Variants in ELAPOR2 observed in about 807,000 individuals in gnomAD.
The protein encoded by ELAPOR2 is endosome/lysosome-associated apoptosis and autophagy regulator family member 2.
A neutral mutation model predicts 120.7 loss-of-function variants in ELAPOR2; 89 were observed. The observed-to-expected ratio is 0.74, with a 90% CI of 0.62 to 0.88. The LOEUF (loss-of-function observed/expected upper bound fraction) is 0.88, where lower values mean the gene tolerates loss of function less well. Among genes scored for constraint, ELAPOR2 ranks in the 40% least tolerant of loss-of-function variants. ELAPOR2 has a pLI of 0.00. For synonymous variants in ELAPOR2, 444 were observed against 444.9 expected, an observed-to-expected ratio of 1.00 and a Z score of 0.03; for missense variants, 1,134 against 1,251.6, an observed-to-expected ratio of 0.91 and a Z score of 1.42.
chr7:87,021,282 T>C (rs1794033701), intron 1 of ELAPOR2, among the ~76,000 whole-genome samples: 1 of 152,152 alleles, frequency 6.6e-6, no homozygotes, highest in Non-Finnish European at 1.5e-5. Context: ...AAGACATACA[T>C]AATCTTGCCA....
chr7:86,886,210 C>G (rs1163752192), intron 21 of ELAPOR2, among the ~76,000 whole-genome samples: 1 of 152,022 alleles, frequency 6.6e-6, no homozygotes, highest in South Asian at 2.1e-4. Context: ...CTAAATCTAC[C>G]CAGCAGTTAA....
intron 1 of ELAPOR2, among the ~76,000 whole-genome samples, chr7:87,016,425 A>T (rs1436454165): frequency 6.6e-6 from 1 of 151,832 alleles, no homozygotes; most frequent in Non-Finnish European, 1.5e-5. Context: ...TTTACACAAC[A>T]AATTTTCTTA....
At chr7:86,890,392 T>C (rs1240650557) in intron 21 of ELAPOR2, among the ~76,000 whole-genome samples, 1 of 151,986 alleles carries the variant, frequency 6.6e-6, no homozygotes, top group African/African-American at 2.4e-5. Flanking sequence ...ATAAAGATAA[T>C]AGCCCCCTTT....
intron 1 of ELAPOR2, among the ~76,000 whole-genome samples, chr7:86,988,582 C>A (rs1792837597): frequency 6.6e-6 from 1 of 152,148 alleles, no homozygotes. Flanking sequence ...GGTTCCGGAA[C>A]CAATCCCCTA....
In ELAPOR2 at chr7:86,897,554, C is replaced by T. The variant is rs372004556; in HGVS notation, c.2637G>A (p.Thr879=). Residue 879 remains threonine (T), a synonymous_variant, in exon 19 of 22, where the codon ACG becomes ACA. Coordinates refer to ENST00000450689, the MANE Select transcript of ELAPOR2 (RefSeq NM_001142749.3). ...WESAEACPLC[T]EHDFHEIEGA... is the part of the protein sequence containing the mutation. The stretch of plus-strand genomic sequence containing the variant: ...CCTCAATCTCATGGAAGTCATGCTC[C>T]GTACACAGAGGGCAAGCTTCAGCAC... The T allele has an allele frequency of 2.0e-5, 32 of 1,613,198 alleles. No individual in the cohort carries two copies. In the South Asian group the frequency reaches 2.3e-4, roughly 12 times the overall value.
intron 1 of ELAPOR2, among the ~76,000 whole-genome samples, chr7:87,018,842 G>GT (rs1793949797): frequency 6.6e-6 from 1 of 152,152 alleles, no homozygotes; most frequent in Non-Finnish European, 1.5e-5. Context: ...GTTAACTGTA[G>GT]TTTTTTTATA....
chr7:86,925,447 G>C (rs970089041), intron 10 of ELAPOR2, 81 bp downstream of exon 10: 2 of 1,434,280 alleles, frequency 1.4e-6, no homozygotes, highest in African/African-American at 2.8e-5. Context: ...CCCATACTTG[G>C]TATGTTTTAG....
At chr7:86,979,972 A>C (rs972917063) in intron 1 of ELAPOR2, among the ~76,000 whole-genome samples, 2 of 152,226 alleles carry the variant, frequency 1.3e-5, no homozygotes, top group African/African-American at 2.4e-5. Flanking sequence ...AAAAGCCTAA[A>C]ACAAAACAAA....
chr7:86,954,593 A>G (rs1175420509), intron 2 of ELAPOR2, among the ~76,000 whole-genome samples: 1 of 152,166 alleles, frequency 6.6e-6, no homozygotes, highest in Admixed American at 6.5e-5. Context: ...CTTATTACAG[A>G]TAAATATCTG....
chr7:87,055,866 A>G (rs1795246685), intron 1 of ELAPOR2, among the ~76,000 whole-genome samples: 1 of 152,256 alleles, frequency 6.6e-6, no homozygotes, highest in African/African-American at 2.4e-5. Flanking sequence ...AGCAAAACTC[A>G]TCATTCAGTA....
chr7:87,040,114 G>A (rs564049404), intron 1 of ELAPOR2, among the ~76,000 whole-genome samples: 5 of 152,364 alleles, frequency 3.3e-5, no homozygotes, highest in South Asian at 4.1e-4. Flanking sequence ...TGGCTCGGAG[G>A]GTCCTACGCC....
At chr7:86,982,995 G>T (rs1052974496) in intron 1 of ELAPOR2, among the ~76,000 whole-genome samples, 1 of 152,152 alleles carries the variant, frequency 6.6e-6, no homozygotes, top group Non-Finnish European at 1.5e-5. Flanking sequence ...ACCTTAAATG[G>T]CCTGACGGAG....
At chr7:87,051,391 G>T (rs1240599600) in intron 1 of ELAPOR2, among the ~76,000 whole-genome samples, 1 of 152,162 alleles carries the variant, frequency 6.6e-6, no homozygotes, top group Non-Finnish European at 1.5e-5. Flanking sequence ...AAATATTTTT[G>T]TAAGTAAACA....
At chr7:86,881,693 G>T (rs989180129) in intron 21 of ELAPOR2, among the ~76,000 whole-genome samples, 1 of 151,940 alleles carries the variant, frequency 6.6e-6, no homozygotes, top group Admixed American at 6.6e-5. Context: ...ACAACATTTT[G>T]CCATGTTGCC....
chr7:87,053,615 TG>T (rs1795179702), intron 1 of ELAPOR2, among the ~76,000 whole-genome samples: 1 of 151,986 alleles, frequency 6.6e-6, no homozygotes, highest in South Asian at 2.1e-4. Context: ...CTATATGGGG[TG>T]GGGGGCTGTG....
intron 17 of ELAPOR2, among the ~76,000 whole-genome samples, chr7:86,908,179 ACACACAC>A (rs1789124398): frequency 6.7e-6 from 1 of 149,196 alleles, no homozygotes. Context: ...ACACACACAC[ACACACAC>A]GAGAAATTAT....
intron 21 of ELAPOR2, among the ~76,000 whole-genome samples, chr7:86,885,140 A>G (rs1012394134): frequency 6.6e-6 from 1 of 152,196 alleles, no homozygotes; most frequent in Non-Finnish European, 1.5e-5. Flanking sequence ...TTATGTTAAA[A>G]CCAGGAATTA....
At chr7:86,964,789 G>A in intron 2 of ELAPOR2, 115 bp downstream of exon 2, 1 of 1,067,288 alleles carries the variant, frequency 9.4e-7, no homozygotes, top group Non-Finnish European at 1.3e-6. Flanking sequence ...GGTTATCAAT[G>A]CCATATGCTC....
intron 13 of ELAPOR2, among the ~76,000 whole-genome samples, 172 bp downstream of exon 13, chr7:86,914,551 A>G (rs952691139): frequency 7.9e-5 from 12 of 152,210 alleles, no homozygotes; most frequent in African/African-American, 2.7e-4. Flanking sequence ...CTTACTCTCA[A>G]AAAATAAAAA....
Sources: allele counts gnomAD v4.1 joint callset (sites outside exome capture counted in the v4.1 genomes callset), GRCh38; gene constraint gnomAD v4.1.1; transcripts MANE v1.5; gene names NCBI Gene and HGNC (gene_info 2026-07-23, HGNC 2026-07-21).